The following AUTS2 variants were observed in gnomAD, a reference collection of about 807,000 sequenced individuals.
AUTS2 encodes autism susceptibility gene 2 protein.
Under a neutral mutation model 112.4 loss-of-function variants are expected in AUTS2, and 17 were observed. The ratio of observed to expected loss-of-function variants is 0.15; its 90% CI spans 0.10 to 0.23. AUTS2 has a LOEUF of 0.23. AUTS2 is among the 10% of genes least tolerant of loss of function. The pLI, the probability that AUTS2 is intolerant of heterozygous loss-of-function variation, is 1.00. For missense variants in AUTS2, 1,510 were observed against 1,701.6 expected (o/e 0.89, Z 1.98); for synonymous variants, 751 against 702.7 (o/e 1.07, Z -1.09).
At chr7:69,855,167 T>A (rs1386269195) in intron 1 of AUTS2, among the ~76,000 whole-genome samples, 23 of 152,216 alleles carry the variant, frequency 1.5e-4, no homozygotes. Context: ...AGCTTCACAA[T>A]GTACGTGATG....
chr7:70,224,179 A>G (rs1044226885), intron 4 of AUTS2, among the ~76,000 whole-genome samples: 30 of 151,998 alleles, frequency 2.0e-4, no homozygotes, highest in African/African-American at 7.0e-4. Flanking sequence ...AGTGGGCATG[A>G]TGGTGTGTGC....
intron 4 of AUTS2, among the ~76,000 whole-genome samples, chr7:70,357,279 C>T (rs1792054761): frequency 6.6e-6 from 1 of 152,210 alleles, no homozygotes; most frequent in Admixed American, 6.5e-5. Context: ...AGCTCCTCTG[C>T]CTTCCCAAGG....
chr7:70,449,149 G>A (rs1304538435), intron 5 of AUTS2, among the ~76,000 whole-genome samples: 1 of 152,226 alleles, frequency 6.6e-6, no homozygotes, highest in African/African-American at 2.4e-5. Flanking sequence ...CTGGATATCA[G>A]AAACAGTGAG....
chr7:69,671,219 G>A (rs1796306182), intron 1 of AUTS2, among the ~76,000 whole-genome samples: 1 of 152,160 alleles, frequency 6.6e-6, no homozygotes. Context: ...CATGTAAAAG[G>A]ATTCTGATGG....
At position 70,099,511 on chromosome 7, in the gene AUTS2, T is replaced by C. The variant is rs182937308; in HGVS notation, c.523-18621T>C. ...GTGACTCAGGGGATTTTTTTTTTTT[T>C]TGGCTCCCTTAAATACAATTCACAA... On this transcript the variant is annotated intron_variant, in intron 2 of 18. Transcript: ENST00000342771. 3.9e-5 allele frequency among the ~76,000 whole-genome samples: 6 copies of C among 152,164 alleles called. No individual in the cohort carries two copies. The East Asian group carries it at 1.2e-3, about 29-fold the overall frequency.
intron 4 of AUTS2, among the ~76,000 whole-genome samples, chr7:70,339,303 C>T (rs141864328): frequency 1.3e-3 from 195 of 152,260 alleles, no homozygotes; most frequent in Non-Finnish European, 1.7e-3. Flanking sequence ...TCTCTTTGCA[C>T]CAGTATGAAA....
At chr7:69,771,818 C>G (rs550088793) in intron 1 of AUTS2, among the ~76,000 whole-genome samples, 2 of 147,508 alleles carry the variant, frequency 1.4e-5, no homozygotes, top group South Asian at 4.3e-4. Flanking sequence ...AGTTTTTGGT[C>G]TTGTTGCACA....
chr7:69,677,347 T>C (rs1378247932), intron 1 of AUTS2, among the ~76,000 whole-genome samples: 1 of 152,216 alleles, frequency 6.6e-6, no homozygotes, highest in Non-Finnish European at 1.5e-5. Context: ...AGCTACATTA[T>C]ATTAAAGTTC....
intron 5 of AUTS2, among the ~76,000 whole-genome samples, chr7:70,518,436 A>G (rs532729393): frequency 6.6e-6 from 1 of 152,252 alleles, no homozygotes; most frequent in African/African-American, 2.4e-5. Context: ...TAATCCCAGC[A>G]CTTTGGGAGA....
rs1380173703 is a variant in AUTS2, at chr7:70,514,789, C to A, written c.690+79008C>A. On this transcript the variant is annotated intron_variant, in intron 5 of 18. Transcript: ENST00000342771. ...GAAGTGTCTGAGAGTTCCCTTTCAC[C>A]ATATCTTGCTGAACATTGACTGTCA... Among the ~76,000 whole-genome samples, 5 of 152,144 alleles carry A rather than the reference C, an allele frequency of 3.3e-5. No individual in the cohort carries two copies. The East Asian group carries it at 7.7e-4, about 23-fold the overall frequency.
At chr7:70,598,729 T>C (rs528064460) in intron 5 of AUTS2, among the ~76,000 whole-genome samples, 1 of 152,332 alleles carries the variant, frequency 6.6e-6, no homozygotes, top group East Asian at 1.9e-4. Flanking sequence ...TGTGAAAGTT[T>C]CCTTCTATGA....
chr7:70,566,846 C>G (rs1047458360), intron 5 of AUTS2, among the ~76,000 whole-genome samples: 4 of 152,212 alleles, frequency 2.6e-5, no homozygotes, highest in African/African-American at 9.6e-5. Context: ...TATTGCATTT[C>G]TGGTACGAAT....
intron 4 of AUTS2, among the ~76,000 whole-genome samples, chr7:70,374,696 G>A (rs1266923137): frequency 1.3e-5 from 2 of 152,164 alleles, no homozygotes. Context: ...CAGAAGAAAG[G>A]TGAAAGACAT....
intron 2 of AUTS2, among the ~76,000 whole-genome samples, chr7:70,062,377 G>A (rs554076586): frequency 6.6e-6 from 1 of 151,990 alleles, no homozygotes; most frequent in Admixed American, 6.5e-5. Context: ...TCTGGACATC[G>A]TGGCACACGC....
chr7:70,039,324 C>G (rs1393214447), intron 2 of AUTS2, among the ~76,000 whole-genome samples: 1 of 151,750 alleles, frequency 6.6e-6, no homozygotes, highest in Non-Finnish European at 1.5e-5. Context: ...AGATTAAGGT[C>G]TTCTGATCAT....
At chr7:70,235,159 A>T (rs1020645445) in intron 4 of AUTS2, among the ~76,000 whole-genome samples, 1 of 152,120 alleles carries the variant, frequency 6.6e-6, no homozygotes, top group Non-Finnish European at 1.5e-5. Flanking sequence ...TTAGAGATGG[A>T]GTCTCACTGT....
At chr7:69,812,286 G>C (rs536022871) in intron 1 of AUTS2, among the ~76,000 whole-genome samples, 1 of 152,198 alleles carries the variant, frequency 6.6e-6, no homozygotes, top group East Asian at 1.9e-4. Flanking sequence ...AGAAAAAAAA[G>C]ACACCAGCAA....
intron 5 of AUTS2, among the ~76,000 whole-genome samples, chr7:70,480,880 G>A (rs1466293888): frequency 6.6e-6 from 1 of 152,192 alleles, no homozygotes; most frequent in Non-Finnish European, 1.5e-5. Context: ...TCAAAGGTTG[G>A]GTGGGATGTG....
rs1438013799 is a variant in AUTS2 at position 70,688,735 on chromosome 7, G to A, written c.691-9834G>A. 2.0e-5 allele frequency among the ~76,000 whole-genome samples: 3 copies of A among 152,160 alleles called. No individual in the cohort carries two copies. In the East Asian group the frequency reaches 5.8e-4, roughly 29 times the overall value. ...AGTACTCAGGAGGCTGCTGCAAGATGACCCCGTGAGCCTAGTAGTTGGAGG... is the reference window on the plus strand; with the variant it reads ...AGTACTCAGGAGGCTGCTGCAAGATAACCCCGTGAGCCTAGTAGTTGGAGG... On this transcript the variant is annotated intron_variant, in intron 5 of 18. Coordinates refer to ENST00000342771, the MANE Select transcript of AUTS2 (RefSeq NM_015570.4).
Sources: allele counts gnomAD v4.1 joint callset (sites outside exome capture counted in the v4.1 genomes callset), GRCh38; gene constraint gnomAD v4.1.1; transcripts MANE v1.5; gene names NCBI Gene and HGNC (gene_info 2026-07-23, HGNC 2026-07-21).